ADGRB3: variants seen among roughly 807,000 people sequenced by gnomAD.
ADGRB3 encodes adhesion G protein-coupled receptor B3, also known as brain-specific angiogenesis inhibitor 3.
A neutral mutation model predicts 193.4 loss-of-function variants in ADGRB3; 37 were observed. The ratio of observed to expected loss-of-function variants is 0.19; its 90% CI spans 0.15 to 0.25. The LOEUF (loss-of-function observed/expected upper bound fraction) is 0.25, where lower values mean the gene tolerates loss of function less well. Ranked by LOEUF, ADGRB3 falls within the 10% of genes least tolerant of loss-of-function variation. The pLI is 1.00. For synonymous variants in ADGRB3, 690 were observed against 644.2 expected (o/e 1.07, Z -1.08); for missense variants, 1,637 against 1,852.9 (o/e 0.88, Z 2.14).
Position 68,639,026 on chromosome 6 carries a change from T to A in ADGRB3, c.351T>A (p.Ala117=), listed in dbSNP as rs573441734. ...TGCAACTCTGCAATTCCAAGAATGC[T>A]TTCGTTTTTCTACAGTATGATAAAA... ...SIMQLCNSKN[A]FVFLQYDKNF... Residue 117 remains alanine, a synonymous_variant, in exon 3 of 32, where the codon GCT becomes GCA. Coordinates refer to ENST00000370598, the MANE Select transcript of ADGRB3 (RefSeq NM_001704.3). The A allele has an allele frequency of 1.2e-6, 2 of 1,613,294 alleles. No homozygotes were observed. The highest frequency in any genetic ancestry group is 2.7e-5 in the African/African-American group (2 of 74,788).
intron 20 of ADGRB3, among the ~76,000 whole-genome samples, chr6:69,260,012 T>C (rs1469606694): frequency 6.6e-6 from 1 of 152,182 alleles, no homozygotes; most frequent in African/African-American, 2.4e-5. Flanking sequence ...CATTTTTACA[T>C]AGGGATACCT....
chr6:69,118,046 T>C (rs1298209140), intron 17 of ADGRB3, among the ~76,000 whole-genome samples: 3 of 152,204 alleles, frequency 2.0e-5, no homozygotes, highest in African/African-American at 4.8e-5. Context: ...CTCAAGTCTA[T>C]GTTATATAAT....
intron 3 of ADGRB3, among the ~76,000 whole-genome samples, chr6:68,921,290 C>G (rs922818738): frequency 7.2e-5 from 11 of 152,116 alleles, no homozygotes; most frequent in Admixed American, 2.0e-4. Flanking sequence ...CAAAATGACA[C>G]TAAGGGGCTG....
chr6:69,210,586 G>T (rs7745755), intron 17 of ADGRB3, among the ~76,000 whole-genome samples: 286 of 152,154 alleles, frequency 1.9e-3, no homozygotes, highest in African/African-American at 6.5e-3. Context: ...TAGAGATGGG[G>T]TCCTACTGGG....
At chr6:69,306,837 G>A (rs181900505) in intron 20 of ADGRB3, among the ~76,000 whole-genome samples, 237 of 151,480 alleles carry the variant, frequency 1.6e-3, no homozygotes, top group Non-Finnish European at 2.7e-3. Context: ...AGAGGACAGG[G>A]CCCATTGGAA....
At chr6:68,972,393 G>T (rs1379051190) in intron 8 of ADGRB3, among the ~76,000 whole-genome samples, 1 of 151,662 alleles carries the variant, frequency 6.6e-6, no homozygotes, top group Non-Finnish European at 1.5e-5. Flanking sequence ...CTTTGATGGA[G>T]CCAGGAGGGC....
chr6:68,952,913 G>A (rs953873537), intron 6 of ADGRB3, among the ~76,000 whole-genome samples: 2 of 152,110 alleles, frequency 1.3e-5, no homozygotes, highest in Non-Finnish European at 2.9e-5. Flanking sequence ...CACAGAATAT[G>A]TACATGGTTA....
At chr6:69,012,594 C>T (rs1480213438) in intron 11 of ADGRB3, among the ~76,000 whole-genome samples, 2 of 151,962 alleles carry the variant, frequency 1.3e-5, no homozygotes, top group African/African-American at 4.8e-5. Flanking sequence ...AATTGAAAAA[C>T]GGGTCTAAAA....
intron 8 of ADGRB3, among the ~76,000 whole-genome samples, chr6:68,971,662 C>T (rs1393652022): frequency 6.6e-6 from 1 of 152,228 alleles, no homozygotes; most frequent in Non-Finnish European, 1.5e-5. Context: ...ACAGGGATGA[C>T]TGTATGTGTT....
At chr6:69,350,950 G>A (rs186421536) in intron 26 of ADGRB3, among the ~76,000 whole-genome samples, 384 of 152,048 alleles carry the variant, frequency 2.5e-3, no homozygotes, top group Non-Finnish European at 2.3e-3. Context: ...CTGTGAATGC[G>A]TTTTCCAGAT....
chr6:69,094,914 A>G (rs1293391926), intron 17 of ADGRB3, among the ~76,000 whole-genome samples: 1 of 152,212 alleles, frequency 6.6e-6, no homozygotes. Flanking sequence ...CACACTTTTA[A>G]GATGGCTTAA....
intron 20 of ADGRB3, among the ~76,000 whole-genome samples, chr6:69,247,280 G>A (rs1457538548): frequency 6.6e-6 from 1 of 152,152 alleles, no homozygotes; most frequent in Non-Finnish European, 1.5e-5. Flanking sequence ...AAGTACCTAA[G>A]TTGACTTTGT....
intron 17 of ADGRB3, among the ~76,000 whole-genome samples, chr6:69,225,712 C>G (rs938264609): frequency 6.6e-6 from 1 of 152,138 alleles, no homozygotes; most frequent in African/African-American, 2.4e-5. Context: ...TCCTCAAGAT[C>G]CTGGATGGAT....
chr6:69,064,313 CTATT>C (rs1771835922), intron 16 of ADGRB3, among the ~76,000 whole-genome samples: 1 of 151,522 alleles, frequency 6.6e-6, no homozygotes, highest in Non-Finnish European at 1.5e-5. Context: ...ACTATTTAAA[CTATT>C]TAACTTTAAA....
intron 17 of ADGRB3, among the ~76,000 whole-genome samples, chr6:69,228,518 A>G (rs1275345121): frequency 6.6e-6 from 1 of 152,204 alleles, no homozygotes; most frequent in Non-Finnish European, 1.5e-5. Flanking sequence ...TCCTGGAACT[A>G]GCTAATTTTT....
intron 3 of ADGRB3, among the ~76,000 whole-genome samples, chr6:68,844,129 A>G (rs560777881): frequency 3.5e-4 from 54 of 152,316 alleles, no homozygotes; most frequent in African/African-American, 1.3e-3. Context: ...TTCTTGAATA[A>G]TACCCCACAA....
intron 11 of ADGRB3, among the ~76,000 whole-genome samples, chr6:69,011,167 G>GTGTATA (rs531482642): frequency 1.5e-4 from 22 of 143,156 alleles, no homozygotes; most frequent in Non-Finnish European, 2.3e-4. Flanking sequence ...GTGTGTGTGT[G>GTGTATA]TATATATATA....
chr6:69,355,931 AG>A lies in ADGRB3; in HGVS notation c.3595+72del. The A allele has an allele frequency of 1.1e-5, 14 of 1,321,568 alleles. No individual in the cohort carries two copies. In the South Asian group the frequency reaches 1.7e-4, roughly 16 times the overall value. The allele number at this position is 1,321,568 out of a possible 1,614,324, so 81.9% of individuals were successfully genotyped here. On this transcript the variant is annotated intron_variant, in intron 28 of 31. Transcript: ENST00000370598. ...TCATTTCTATAGATTTTAATTTTAA[AG>A]AAAATGCTGTGGTTTACACATTACA...
At chr6:69,243,748 G>A (rs1422492462) in intron 20 of ADGRB3, among the ~76,000 whole-genome samples, 2 of 151,898 alleles carry the variant, frequency 1.3e-5, no homozygotes, top group African/African-American at 2.4e-5. Flanking sequence ...TCAGTAAGAA[G>A]GACCTGTAGT....
Sources: gnomAD v4.1 joint callset for allele counts (sites outside exome capture counted in the v4.1 genomes callset) on GRCh38, gnomAD v4.1.1 for gene constraint, MANE v1.5 for transcripts, NCBI Gene and HGNC (gene_info 2026-07-23, HGNC 2026-07-21) for gene names.